The following NETO1 variants were observed in gnomAD, a reference collection of about 807,000 sequenced individuals.
NETO1 encodes neuropilin and tolloid like 1.
NETO1 carries 26 observed loss-of-function variants against 61.3 expected under a neutral mutation model. The ratio of observed to expected loss-of-function variants is 0.42; its 90% CI spans 0.31 to 0.59. NETO1 has a LOEUF of 0.59. Ranked by LOEUF, NETO1 falls within the 20% of genes least tolerant of loss-of-function variation. The probability of loss-of-function intolerance (pLI) is 0.12; values close to 1 mark genes in which losing one functional copy is unlikely to be tolerated. For missense variants in NETO1, 531 were observed against 662.8 expected, an observed-to-expected ratio of 0.80 and a Z score of 2.18; for synonymous variants, 225 against 225.8, an observed-to-expected ratio of 1.00 and a Z score of 0.03.
intron 4 of NETO1, among the ~76,000 whole-genome samples, chr18:72,821,495 G>A (rs1329455604): frequency 6.6e-6 from 1 of 150,764 alleles, no homozygotes; most frequent in Admixed American, 6.6e-5. Context: ...AACCTAGGAG[G>A]TGGAGGTTGC....
rs1370052711 is a variant in NETO1, at chr18:72,772,819, CTCTCTCTATATATATATATATA to C, written c.868+10837_868+10858del. ...TCTCTCTCTCTCTCTCTCTCTCTCT[CTCTCTCTATATATATATATATA>C]TATATATATATATATATATATATAT... On this transcript the variant is annotated intron_variant, in intron 7 of 10. Coordinates refer to ENST00000327305, the MANE Select transcript of NETO1 (RefSeq NM_138966.5). Among the ~76,000 whole-genome samples the C allele has an allele frequency of 9.6e-3, 504 of 52,412 alleles. 4 individuals carry two copies. The highest frequency in any genetic ancestry group is 0.033 in the African/African-American group (460 of 14,134). The allele number at this position is 52,412 out of a possible 152,430, so 34.4% of individuals were successfully genotyped here.
intron 7 of NETO1, among the ~76,000 whole-genome samples, chr18:72,780,297 G>A (rs556945985): frequency 8.5e-5 from 13 of 152,270 alleles, no homozygotes; most frequent in African/African-American, 3.1e-4. Flanking sequence ...GCCTCTGTAG[G>A]AAGAACACCC....
Position 72,777,347 on chromosome 18 carries a change from G to C in NETO1, c.868+6331C>G, listed in dbSNP as rs138914238. 7.3e-4 allele frequency among the ~76,000 whole-genome samples: 110 copies of C among 151,478 alleles called. No individual in the cohort carries two copies. The East Asian group carries it at 0.016, about 22-fold the overall frequency. On this transcript the variant is annotated intron_variant, in intron 7 of 10. Coordinates refer to ENST00000327305, the MANE Select transcript of NETO1 (RefSeq NM_138966.5). ...GCAGGAGAATAGCTTGAACCCGGGA[G>C]GGGGGAGGTTGCAGGGAGCTGAGAT...
At chr18:72,743,416 A>G (rs979937288), downstream of NETO1, among the ~76,000 whole-genome samples, 3 of 152,186 alleles carry the variant, frequency 2.0e-5, no homozygotes, top group Non-Finnish European at 4.4e-5. Flanking sequence ...TTCTGCTACA[A>G]ACTTCTTCAT....
At chr18:72,786,436 T>C (rs1368482286) in intron 6 of NETO1, among the ~76,000 whole-genome samples, 1 of 152,060 alleles carries the variant, frequency 6.6e-6, no homozygotes, top group African/African-American at 2.4e-5. Flanking sequence ...AGCACTTGAG[T>C]TGTAGTATGC....
Position 72,830,862 on chromosome 18 carries a change from T to TA in NETO1, c.469+27963dup, listed in dbSNP as rs1476262207. On this transcript the variant is annotated intron_variant, in intron 4 of 10. Coordinates refer to ENST00000327305, the MANE Select transcript of NETO1 (RefSeq NM_138966.5). The surrounding 1 kb of genome is among the most constrained non-coding windows in gnomAD (Gnocchi z 4.9). Reference sequence around the variant, plus strand: ...TTATGGGTTCCAGTTGTTCACTTTTTATCCCCTATTTTCTTCTCTGAACAT... The same window carrying TA: ...TTATGGGTTCCAGTTGTTCACTTTTTAATCCCCTATTTTCTTCTCTGAACAT... 6.6e-6 allele frequency among the ~76,000 whole-genome samples: 1 copy of TA among 152,180 alleles called. No homozygotes were observed. Among genetic ancestry groups the TA allele is most frequent in the Non-Finnish European group, 1.5e-5 (1 of 68,024 alleles).
intron 4 of NETO1, among the ~76,000 whole-genome samples, chr18:72,819,304 A>C (rs1388851665): frequency 1.3e-5 from 2 of 152,166 alleles, no homozygotes; most frequent in African/African-American, 4.8e-5. Flanking sequence ...ATTTCATTGG[A>C]ATGGTGTATA....
intron 4 of NETO1, among the ~76,000 whole-genome samples, chr18:72,813,334 T>C (rs998036633): frequency 6.6e-6 from 1 of 152,226 alleles, no homozygotes; most frequent in Non-Finnish European, 1.5e-5. Flanking sequence ...AACTACTTTC[T>C]GCAGGAATAT....
chr18:72,748,344 T>G (rs1327033995), intron 10 of NETO1, 180 bp from the exon 11 acceptor site: 2 of 966,306 alleles, frequency 2.1e-6, no homozygotes, highest in Non-Finnish European at 2.5e-6. Flanking sequence ...CAAATTAGGC[T>G]AATATAGATA....
In NETO1 at chr18:72,791,372, T is replaced by G. The variant is rs997107270; in HGVS notation, c.639+2745A>C. Reference sequence around the variant, plus strand: ...GTTTAACTTGTGCTTTGATAGTCTATTCTCATAAGCTGCTAGGAACTCTAT... The same window carrying G: ...GTTTAACTTGTGCTTTGATAGTCTAGTCTCATAAGCTGCTAGGAACTCTAT... On this transcript the variant is annotated intron_variant, in intron 6 of 10. Coordinates refer to ENST00000327305, the MANE Select transcript of NETO1 (RefSeq NM_138966.5). 1.1e-4 allele frequency among the ~76,000 whole-genome samples: 17 copies of G among 152,332 alleles called. No individual in the cohort carries two copies. The East Asian group carries it at 1.2e-3, about 10-fold the overall frequency.
intron 4 of NETO1, among the ~76,000 whole-genome samples, chr18:72,829,801 A>C (rs1383488027): frequency 6.6e-6 from 1 of 152,204 alleles, no homozygotes; most frequent in African/African-American, 2.4e-5. Flanking sequence ...TGGGTGTGCG[A>C]GACAGAGCTG....
chr18:72,796,405 C>T (rs2072312081), intron 4 of NETO1, among the ~76,000 whole-genome samples: 1 of 152,220 alleles, frequency 6.6e-6, no homozygotes, highest in Non-Finnish European at 1.5e-5. Flanking sequence ...TATTTTACTA[C>T]AGACACTATT....
At chr18:72,853,100 G>T (rs975965209) in intron 4 of NETO1, among the ~76,000 whole-genome samples, 1 of 152,098 alleles carries the variant, frequency 6.6e-6, no homozygotes, top group Non-Finnish European at 1.5e-5. Flanking sequence ...CTCCCAAAGT[G>T]CTGGGATTAC....
intron 7 of NETO1, among the ~76,000 whole-genome samples, chr18:72,767,314 C>G (rs1055252166): frequency 6.6e-6 from 1 of 152,150 alleles, no homozygotes; most frequent in South Asian, 2.1e-4. Flanking sequence ...AAGCTAGAAT[C>G]AGACACATTA....
In NETO1 at chr18:72,860,693, C is replaced by A. The variant is rs1260944062; in HGVS notation, c.221-1619G>T. On this transcript the variant is annotated intron_variant, in intron 3 of 10. Coordinates refer to ENST00000327305, the MANE Select transcript of NETO1 (RefSeq NM_138966.5). ...AAAAAGGTGAACAAATGAGTAACCA[C>A]AATAATGACAGATTTGAGGGAGTTT... Among the ~76,000 whole-genome samples, 5 of 150,950 alleles carry A rather than the reference C, an allele frequency of 3.3e-5. No homozygotes were observed. In the East Asian group the frequency reaches 9.7e-4, roughly 29 times the overall value.
chr18:72,859,153 T>TACAAA, intron 3 of NETO1, 79 bp from the exon 4 acceptor site: 3 of 1,360,856 alleles, frequency 2.2e-6, no homozygotes, highest in Non-Finnish European at 3.0e-6. Context: ...ATTTCAGATG[T>TACAAA]TATTTGTACA....
At chr18:72,757,789 C>T (rs1467647817) in intron 7 of NETO1, among the ~76,000 whole-genome samples, 1 of 152,078 alleles carries the variant, frequency 6.6e-6, no homozygotes, top group Non-Finnish European at 1.5e-5. Flanking sequence ...ACTATAATGG[C>T]TTTTGCAGAA....
chr18:72,788,609 T>G (rs17086309), intron 6 of NETO1, among the ~76,000 whole-genome samples: 35,782 of 151,864 alleles, frequency 0.24, 4,745 homozygotes, highest in Admixed American at 0.33. Context: ...ACTAGTAAAA[T>G]AGATTATCAT....
intron 3 of NETO1, among the ~76,000 whole-genome samples, chr18:72,863,104 C>T (rs2074629037): frequency 6.6e-6 from 1 of 152,162 alleles, no homozygotes. Flanking sequence ...ACTTCAATGG[C>T]ACCTCATTGT....
Sources: allele counts gnomAD v4.1 joint callset (sites outside exome capture counted in the v4.1 genomes callset), GRCh38; gene constraint gnomAD v4.1.1; non-coding constraint Gnocchi (gnomAD v3.1); transcripts MANE v1.5; gene names NCBI Gene and HGNC (gene_info 2026-07-23, HGNC 2026-07-21).